Variants in DOCK4 observed in about 807,000 individuals in gnomAD.
DOCK4 encodes the protein dedicator of cytokinesis protein 4.
A neutral mutation model predicts 268.1 loss-of-function variants in DOCK4; 97 were observed. That is an observed-to-expected ratio of 0.36 (90% confidence interval 0.31 to 0.43). The LOEUF (loss-of-function observed/expected upper bound fraction) is 0.43. Among genes scored for constraint, DOCK4 ranks in the 20% least tolerant of loss-of-function variants. The probability of loss-of-function intolerance (pLI) is 1.00; values close to 1 mark genes in which losing one functional copy is unlikely to be tolerated. For synonymous variants in DOCK4, 954 were observed against 887.2 expected (o/e 1.08, Z -1.34); for missense variants, 2,145 against 2,455.7 (o/e 0.87, Z 2.67).
At chr7:112,090,141 A>C (rs967339822) in intron 1 of DOCK4, among the ~76,000 whole-genome samples, 7 of 152,200 alleles carry the variant, frequency 4.6e-5, no homozygotes, top group African/African-American at 1.7e-4. Context: ...GATAGCATGA[A>C]TCAATCACAC....
intron 42 of DOCK4, among the ~76,000 whole-genome samples, chr7:111,754,431 A>AT (rs1457882422): frequency 1.3e-5 from 2 of 152,238 alleles, no homozygotes; most frequent in African/African-American, 4.8e-5. Flanking sequence ...GATTGACAGA[A>AT]TAGGCTTGTG....
At chr7:111,796,761 AT>A (rs980130413) in intron 30 of DOCK4, among the ~76,000 whole-genome samples, 1 of 152,194 alleles carries the variant, frequency 6.6e-6, no homozygotes, top group African/African-American at 2.4e-5. Context: ...TCCAAGATCC[AT>A]TTTTTAGAAA....
At chr7:112,082,290 T>C (rs911190537) in intron 1 of DOCK4, among the ~76,000 whole-genome samples, 1 of 152,166 alleles carries the variant, frequency 6.6e-6, no homozygotes, top group African/African-American at 2.4e-5. Context: ...TACATTATTG[T>C]AATGTCAGTA....
intron 7 of DOCK4, among the ~76,000 whole-genome samples, chr7:111,983,729 AC>A (rs1798782791): frequency 1.3e-5 from 2 of 152,042 alleles, no homozygotes. Flanking sequence ...GGGCTTCAGT[AC>A]TTAGGAATGG....
At chr7:111,769,422 A>G in intron 37 of DOCK4, 107 bp downstream of exon 37, 11 of 1,376,778 alleles carry the variant, frequency 8.0e-6, no homozygotes, top group Non-Finnish European at 1.1e-5. Flanking sequence ...TTAAGATGTG[A>G]GGATCCCTGC....
chr7:111,734,994 T>G (rs1228973045), intron 51 of DOCK4, 60 bp downstream of exon 51: 5 of 1,320,486 alleles, frequency 3.8e-6, no homozygotes, highest in Non-Finnish European at 5.3e-6. Context: ...CAGGACAAAC[T>G]GGAGTAGTCA....
chr7:112,054,314 T>C (rs1439921106), intron 1 of DOCK4, among the ~76,000 whole-genome samples: 1 of 151,826 alleles, frequency 6.6e-6, no homozygotes, highest in Non-Finnish European at 1.5e-5. Flanking sequence ...ATAAAAGTTA[T>C]TTAATACTGC....
intron 42 of DOCK4, among the ~76,000 whole-genome samples, chr7:111,751,829 T>C (rs1329857073): frequency 6.6e-6 from 1 of 152,168 alleles, no homozygotes; most frequent in African/African-American, 2.4e-5. Flanking sequence ...CATAGTTCAC[T>C]GTAACCTCAA....
At chr7:111,744,250 G>C (rs1260684247) in intron 44 of DOCK4, among the ~76,000 whole-genome samples, 1 of 152,196 alleles carries the variant, frequency 6.6e-6, no homozygotes, top group Non-Finnish European at 1.5e-5. Flanking sequence ...TGTCTGTTGA[G>C]AGCCACATTT....
Position 111,863,448 on chromosome 7 carries a change from A to G in DOCK4, c.2397T>C (p.His799=), listed in dbSNP as rs771827947. 3 of 1,613,904 alleles carry G rather than the reference A, an allele frequency of 1.9e-6. No individual in the cohort carries two copies. Among genetic ancestry groups the G allele is most frequent in the East Asian group, 2.2e-5 (1 of 44,894 alleles). Residue 799 remains histidine, a synonymous_variant, in exon 23 of 53, where the codon CAT becomes CAC. Transcript: ENST00000428084. ...DTLGSLPTIL[H]VDDSLQAIKL... is the part of the protein sequence containing the mutation. ...TGATGGCCTGCAGGGAATCATCCACATGCAGGATGGTCGGCAGACTGCCCA... is the reference window on the plus strand; with the variant it reads ...TGATGGCCTGCAGGGAATCATCCACGTGCAGGATGGTCGGCAGACTGCCCA...
intron 1 of DOCK4, among the ~76,000 whole-genome samples, chr7:112,090,741 A>G (rs1429817326): frequency 6.6e-6 from 1 of 152,208 alleles, no homozygotes; most frequent in Non-Finnish European, 1.5e-5. Context: ...GCCTGGAGCA[A>G]AGAATCACAA....
intron 1 of DOCK4, among the ~76,000 whole-genome samples, chr7:112,008,311 C>T (rs1801017866): frequency 6.6e-6 from 1 of 152,032 alleles, no homozygotes; most frequent in South Asian, 2.1e-4. Flanking sequence ...TATATAAACC[C>T]AGTTTACAGG....
At chr7:111,944,579 T>A (rs568626743) in intron 10 of DOCK4, among the ~76,000 whole-genome samples, 1 of 152,256 alleles carries the variant, frequency 6.6e-6, no homozygotes, top group African/African-American at 2.4e-5. Flanking sequence ...ACAACAAACT[T>A]CTTAATTACT....
chr7:111,984,245 G>C, intron 7 of DOCK4, 61 bp downstream of exon 7: 1 of 1,393,900 alleles, frequency 7.2e-7, no homozygotes, highest in Non-Finnish European at 9.9e-7. Flanking sequence ...CAAGTATGAG[G>C]AGTGCCATGG....
At chr7:111,855,654 G>A (rs562524212) in intron 23 of DOCK4, among the ~76,000 whole-genome samples, 1 of 152,144 alleles carries the variant, frequency 6.6e-6, no homozygotes, top group Non-Finnish European at 1.5e-5. Flanking sequence ...GGCTAAGCAG[G>A]TGGAATGAGC....
Position 111,742,016 on chromosome 7 carries a change from T to C in DOCK4, c.4794A>G (p.Ile1598Met), listed in dbSNP as rs762374224. ...ATGGACACCTAAGTATACATACCTG[T>C]ATCCCTAAGCTCGACTTCATCACAA... Reference protein sequence around the residue: ...QFFVMKSSLGIQEFSACMQAS... With the variant: ...QFFVMKSSLGMQEFSACMQAS... Residue 1598 changes from isoleucine to methionine, a missense_variant, in exon 45 of 53, where the codon ATA (isoleucine) becomes ATG (methionine). By Grantham distance (10) the Ile-to-Met change is conservative. Around this residue, in one of 2 missense-constraint regions of DOCK4, gnomAD observed 1,598 missense variants for 1,986.7 expected, o/e 0.80. Transcript: ENST00000428084. 2 of 1,597,386 alleles carry C rather than the reference T, an allele frequency of 1.3e-6. No homozygotes were observed. The highest frequency in any genetic ancestry group is 2.3e-5 in the South Asian group (2 of 87,906).
At chr7:111,919,819 A>G (rs950473396) in intron 12 of DOCK4, among the ~76,000 whole-genome samples, 3 of 152,242 alleles carry the variant, frequency 2.0e-5, no homozygotes, top group African/African-American at 7.2e-5. Context: ...TGGGTGCACA[A>G]AGAAAAAACA....
chr7:112,052,430 T>C (rs887951091), intron 1 of DOCK4, among the ~76,000 whole-genome samples: 5 of 152,186 alleles, frequency 3.3e-5, no homozygotes, highest in African/African-American at 7.2e-5. Flanking sequence ...TGGAGTTTCA[T>C]TGAATATTCT....
intron 23 of DOCK4, among the ~76,000 whole-genome samples, chr7:111,862,651 C>T (rs1023032647): frequency 1.3e-5 from 2 of 151,650 alleles, no homozygotes; most frequent in Non-Finnish European, 2.9e-5. Flanking sequence ...TCAACACACT[C>T]GGGTAATTTT....
Sources: gnomAD v4.1 joint callset for allele counts (sites outside exome capture counted in the v4.1 genomes callset) on GRCh38, gnomAD v4.1.1 for gene constraint, gnomAD v4.1.1 regional missense constraint, MANE v1.5 for transcripts, NCBI Gene and HGNC (gene_info 2026-07-23, HGNC 2026-07-21) for gene names.